The following CNST variants were observed in gnomAD, a reference collection of about 807,000 sequenced individuals.
CNST encodes the protein consortin.
Under a neutral mutation model 72.4 loss-of-function variants are expected in CNST, and 39 were observed. The ratio of observed to expected loss-of-function variants is 0.54; its 90% CI spans 0.42 to 0.70. The LOEUF (loss-of-function observed/expected upper bound fraction) is 0.70. Ranked by LOEUF, CNST falls within the 30% of genes least tolerant of loss-of-function variation. The pLI is 0.00. For missense variants in CNST, 871 were observed against 868.5 expected (o/e 1.00, Z -0.04); for synonymous variants, 332 against 320.1 (o/e 1.04, Z -0.40).
chr1:246,601,714 A>C (rs1465556473), intron 2 of CNST, among the ~76,000 whole-genome samples: 3 of 152,206 alleles, frequency 2.0e-5, no homozygotes, highest in African/African-American at 7.2e-5. Context: ...GAAACACTTC[A>C]ACCTGGGAGG....
intron 1 of CNST, among the ~76,000 whole-genome samples, chr1:246,568,202 A>G (rs185577638): frequency 5.0e-4 from 76 of 152,350 alleles, no homozygotes; most frequent in Middle Eastern, 3.4e-3. Flanking sequence ...CAAAACAGTT[A>G]TTTTAAAATG....
intron 2 of CNST, among the ~76,000 whole-genome samples, chr1:246,619,949 G>A (rs1233139528): frequency 1.8e-5 from 2 of 112,864 alleles, no homozygotes; most frequent in Non-Finnish European, 3.6e-5. Context: ...CAGGGAGGAC[G>A]GCTTCAGTCG....
intron 2 of CNST, among the ~76,000 whole-genome samples, chr1:246,597,297 T>C (rs1223596700): frequency 6.6e-6 from 1 of 152,226 alleles, no homozygotes; most frequent in Non-Finnish European, 1.5e-5. Flanking sequence ...TTAGTGGTTT[T>C]AGTATATTCA....
At chr1:246,577,236 C>G (rs535489164) in intron 1 of CNST, among the ~76,000 whole-genome samples, 11 of 151,990 alleles carry the variant, frequency 7.2e-5, no homozygotes, top group African/African-American at 2.2e-4. Flanking sequence ...TTCAACAGTA[C>G]AAGCAAACCC....
Position 246,634,726 on chromosome 1 carries a change from T to C in CNST, c.818+139T>C, listed in dbSNP as rs1322385821. On this transcript the variant is annotated intron_variant, in intron 6 of 10. Transcript: ENST00000366513. ...ATATAATATAATTATTGCAAGGCTC[T>C]AGTATTGGTTCGAACCCCGGGAGCG... The C allele has an allele frequency of 7.3e-4, 447 of 615,004 alleles. 5 individuals are homozygous for C. Among genetic ancestry groups the C allele is most frequent in the Non-Finnish European group, 7.5e-5 (27 of 359,114 alleles). The allele number at this position is 615,004 out of a possible 1,614,324, so 38.1% of individuals were successfully genotyped here. A position where few individuals can be genotyped will look rare whatever the true frequency, so the allele number is the denominator to read the frequency against.
chr1:246,610,180 G>A (rs897666100), intron 2 of CNST, among the ~76,000 whole-genome samples: 2 of 152,154 alleles, frequency 1.3e-5, no homozygotes, highest in Admixed American at 6.5e-5. Context: ...TACTTGGGAG[G>A]CTGAGGCAAA....
intron 1 of CNST, among the ~76,000 whole-genome samples, chr1:246,586,111 A>ATATGTGTGTGTG (rs777928408): frequency 3.3e-4 from 34 of 102,692 alleles, no homozygotes; most frequent in African/African-American, 1.2e-3. Flanking sequence ...ATATATATAT[A>ATATGTGTGTGTG]TGTGTGTGTG....
At chr1:246,609,098 A>G (rs946710903) in intron 2 of CNST, among the ~76,000 whole-genome samples, 4 of 152,226 alleles carry the variant, frequency 2.6e-5, no homozygotes, top group Non-Finnish European at 5.9e-5. Flanking sequence ...TGGCACACTC[A>G]GCACGTGGTA....
At chr1:246,665,043 T>C (rs184513489) in intron 10 of CNST, among the ~76,000 whole-genome samples, 64 of 152,266 alleles carry the variant, frequency 4.2e-4, no homozygotes, top group South Asian at 8.3e-4. Flanking sequence ...CCCAAGGATC[T>C]TAGAACAGCC....
chr1:246,663,101 G>A (rs1390952251), intron 10 of CNST, among the ~76,000 whole-genome samples: 1 of 152,054 alleles, frequency 6.6e-6, no homozygotes, highest in East Asian at 1.9e-4. Context: ...CCAGCACTTG[G>A]GGAAGCCTCC....
rs568147676 is a variant in CNST, at chr1:246,595,589, A to G, written c.379+3648A>G. Among the ~76,000 whole-genome samples, 434 of 152,324 alleles carry G rather than the reference A, an allele frequency of 2.8e-3. 2 individuals are homozygous for G. The highest frequency in any genetic ancestry group is 8.3e-3 in the South Asian group (40 of 4,828). ...AAATTCTTAGCTCCTAAGTAAATAA[A>G]GTTTCAAATTTTTCAGACGTGTACT... On this transcript the variant is annotated intron_variant, in intron 2 of 10. Coordinates refer to ENST00000366513, the MANE Select transcript of CNST (RefSeq NM_152609.3).
At chr1:246,621,380 C>A in intron 2 of CNST, 49 bp from the exon 3 acceptor site, 1 of 1,389,556 alleles carries the variant, frequency 7.2e-7, no homozygotes, top group Non-Finnish European at 1.0e-6. Context: ...ATGTGTTACA[C>A]CATCATGGGA....
At chr1:246,616,619 G>A (rs1168489635) in intron 2 of CNST, among the ~76,000 whole-genome samples, 1 of 152,004 alleles carries the variant, frequency 6.6e-6, no homozygotes, top group Non-Finnish European at 1.5e-5. Flanking sequence ...CAGTGGCCCA[G>A]TCTTGGCTCC....
In CNST at chr1:246,667,737, A is replaced by G. The variant is rs1667443267; in HGVS notation, c.*1832A>G. On this transcript the variant is annotated 3_prime_UTR_variant, in exon 11 of 11. Coordinates refer to ENST00000366513, the MANE Select transcript of CNST (RefSeq NM_152609.3). ...ATTCACAAGTTCTACTGTGATGGAC[A>G]TCCTCATCATAGACAAACCTCCTCT... The G allele has an allele frequency of 6.6e-6, 1 of 152,228 alleles. No individual in the cohort carries two copies. Among genetic ancestry groups the G allele is most frequent in the Non-Finnish European group, 1.5e-5 (1 of 68,040 alleles). 9.4% of individuals were successfully genotyped at this position (152,228 alleles called of 1,614,324 possible).
chr1:246,599,440 C>T (rs189609301), intron 2 of CNST, among the ~76,000 whole-genome samples: 163 of 152,318 alleles, frequency 1.1e-3, no homozygotes, highest in African/African-American at 3.7e-3. Flanking sequence ...CCACATTCCC[C>T]AGCTTCTGTT....
chr1:246,645,423 A>ATTT lies in CNST; in HGVS notation c.938-1716_938-1715insTTT, dbSNP rs762655117. Among the ~76,000 whole-genome samples the ATTT allele has an allele frequency of 7.6e-3, 809 of 105,892 alleles. 29 individuals carry two copies. The highest frequency in any genetic ancestry group is 0.027 in the African/African-American group (774 of 28,536). 69.5% of individuals were successfully genotyped at this position (105,892 alleles called of 152,430 possible). A position where few individuals can be genotyped will look rare whatever the true frequency, so the allele number is the denominator to read the frequency against. On this transcript the variant is annotated intron_variant, in intron 8 of 10. Coordinates refer to ENST00000366513, the MANE Select transcript of CNST (RefSeq NM_152609.3). Reference sequence around the variant, plus strand: ...AACATATTAGTATAAAAAGGTTAAAACTTTTTTTTTTTTTTTTTTTTTGAG... The same window carrying ATTT: ...AACATATTAGTATAAAAAGGTTAAAATTTCTTTTTTTTTTTTTTTTTTTTTGAG...
At chr1:246,604,202 C>T (rs956453827) in intron 2 of CNST, among the ~76,000 whole-genome samples, 15 of 151,698 alleles carry the variant, frequency 9.9e-5, no homozygotes, top group African/African-American at 2.9e-4. Flanking sequence ...TGCAGTGAGC[C>T]GATATCGCGC....
In CNST at chr1:246,591,951, A is replaced by G. The variant is rs1661573319; in HGVS notation, c.379+10A>G. 1 of 1,588,862 alleles carries G rather than the reference A, an allele frequency of 6.3e-7. No individual in the cohort carries two copies. The highest frequency in any genetic ancestry group is 1.4e-5 in the African/African-American group (1 of 73,314). The stretch of plus-strand genomic sequence containing the variant: ...AAGAAGATACCACCAGGTATTGTTT[A>G]AAATAGTATTTATCCTCTTCTTTAA... On this transcript the variant is annotated intron_variant, in intron 2 of 10. Coordinates refer to ENST00000366513, the MANE Select transcript of CNST (RefSeq NM_152609.3).
chr1:246,642,047 T>C lies in CNST; in HGVS notation c.937+10T>C. ...ACCACCAAAGAGTCAGGTATGTTTTTAACTTAAGCTATGGAGCAACGTAAA... is the reference window on the plus strand; with the variant it reads ...ACCACCAAAGAGTCAGGTATGTTTTCAACTTAAGCTATGGAGCAACGTAAA... On this transcript the variant is annotated intron_variant, in intron 8 of 10. Transcript: ENST00000366513. 6.5e-7 allele frequency: 1 copy of C among 1,544,300 alleles called. No homozygotes were observed. The highest frequency in any genetic ancestry group is 1.1e-5 in the South Asian group (1 of 86,976).
Sources: allele counts gnomAD v4.1 joint callset (sites outside exome capture counted in the v4.1 genomes callset), GRCh38; gene constraint gnomAD v4.1.1; transcripts MANE v1.5; gene names NCBI Gene and HGNC (gene_info 2026-07-23, HGNC 2026-07-21).